The following MREG variants were observed in gnomAD, a reference collection of about 807,000 sequenced individuals.
MREG encodes melanoregulin, also known as dilute suppressor protein homolog.
In MREG, 31 loss-of-function variants were observed where a neutral mutation model predicts 28.5. That is an observed-to-expected ratio of 1.09 (90% CI 0.82 to 1.47). The LOEUF (loss-of-function observed/expected upper bound fraction) is 1.47. Ranked by LOEUF, MREG falls within the 40% of genes most tolerant of loss-of-function variation. The pLI, the probability that MREG is intolerant of heterozygous loss-of-function variation, is 0.00. For missense variants in MREG, 256 were observed against 257.4 expected (o/e 0.99, Z 0.04); for synonymous variants, 106 against 95.2 (o/e 1.11, Z -0.66).
Position 215,944,798 on chromosome 2 carries a change from G to C in MREG, c.*65C>G, listed in dbSNP as rs149474945. On this transcript the variant is annotated 3_prime_UTR_variant, in exon 5 of 5. Coordinates refer to ENST00000263268, the MANE Select transcript of MREG (RefSeq NM_018000.3). The stretch of plus-strand genomic sequence containing the variant: ...TGCTCACTCTCTTCTACATGTAATT[G>C]TCCAACTTTGGTTGACTGCTGAGTC... The C allele has an allele frequency of 2.2e-3, 3,245 of 1,478,534 alleles. 3 individuals are homozygous for C. The highest frequency in any genetic ancestry group is 2.8e-3 in the Non-Finnish European group (3,026 of 1,089,746). The allele number at this position is 1,478,534 out of a possible 1,614,324, so 91.6% of individuals were successfully genotyped here.
chr2:215,978,857 T>A (rs1693331379), intron 2 of MREG, among the ~76,000 whole-genome samples: 1 of 152,206 alleles, frequency 6.6e-6, no homozygotes, highest in Non-Finnish European at 1.5e-5. Context: ...AAACTCTCAA[T>A]AAACTAGGTA....
chr2:215,939,940 C>T (rs1187322154), downstream of MREG, among the ~76,000 whole-genome samples: 3 of 152,022 alleles, frequency 2.0e-5, no homozygotes, highest in Admixed American at 6.6e-5. Flanking sequence ...GATCTATAGG[C>T]CTAAGCTTCC....
At chr2:216,029,121 AG>A (rs1415748002) in intron 1 of MREG, among the ~76,000 whole-genome samples, 104 of 152,332 alleles carry the variant, frequency 6.8e-4, no homozygotes, top group African/African-American at 2.5e-3. Flanking sequence ...TTTATTTAAA[AG>A]GAAATAAATA....
upstream of MREG, among the ~76,000 whole-genome samples, chr2:216,014,879 G>A (rs138783064): frequency 5.3e-4 from 81 of 152,212 alleles, no homozygotes; most frequent in African/African-American, 1.8e-3. Context: ...TTTCCAGTCT[G>A]ATTTATTCAA....
intron 2 of MREG, among the ~76,000 whole-genome samples, chr2:215,991,035 A>G (rs6435928): frequency 0.19 from 28,358 of 152,082 alleles, 3,418 homozygotes; most frequent in East Asian, 0.4. Flanking sequence ...CAGCTCTGGA[A>G]CAAGCAGACC....
intron 1 of MREG, among the ~76,000 whole-genome samples, chr2:216,030,857 G>T (rs573223251): frequency 6.7e-6 from 1 of 148,698 alleles, no homozygotes; most frequent in African/African-American, 2.5e-5. Flanking sequence ...TGATTCCATA[G>T]TTTAATTAAT....
chr2:216,002,821 TTTC>T (rs140010665), intron 1 of MREG, among the ~76,000 whole-genome samples: 17,251 of 151,714 alleles, frequency 0.11, 2,791 homozygotes, highest in African/African-American at 0.36. Flanking sequence ...TCCTCTTTTC[TTTC>T]TTTTTTCTTT....
intron 2 of MREG, among the ~76,000 whole-genome samples, chr2:215,992,632 T>C (rs1000968748): frequency 1.4e-4 from 21 of 152,322 alleles, no homozygotes; most frequent in East Asian, 9.6e-4. Context: ...TTGTCTCTGT[T>C]TGCAGATGAC....
chr2:215,966,389 C>T (rs898435183), intron 2 of MREG, among the ~76,000 whole-genome samples: 9 of 152,068 alleles, frequency 5.9e-5, no homozygotes, highest in Non-Finnish European at 8.8e-5. Flanking sequence ...TCTCAAATTA[C>T]CTATATTCTT....
chr2:215,964,973 A>T (rs2105983856), intron 2 of MREG, among the ~76,000 whole-genome samples: 2 of 152,324 alleles, frequency 1.3e-5, no homozygotes, highest in Admixed American at 1.3e-4. Flanking sequence ...CATGTGAGTG[A>T]CTTTTTTTCT....
Position 216,007,071 on chromosome 2 carries a change from C to T in MREG, c.95+6162G>A, listed in dbSNP as rs182029485. ...ATCTACTAGCATATGAATCCCAGTT[C>T]GACCACGTGTGCCTCTAAGCAAGTT... On this transcript the variant is annotated intron_variant, in intron 1 of 4. Transcript: ENST00000263268. Among the ~76,000 whole-genome samples the T allele has an allele frequency of 7.7e-4, 117 of 152,310 alleles. 1 individual carries two copies. The highest frequency in any genetic ancestry group is 1.0e-4 in the Non-Finnish European group (7 of 68,026).
At chr2:216,028,297 C>G (rs951407064) in intron 1 of MREG, among the ~76,000 whole-genome samples, 1 of 152,014 alleles carries the variant, frequency 6.6e-6, no homozygotes, top group East Asian at 1.9e-4. Flanking sequence ...AGATGGATCA[C>G]GAGGTCAGGA....
chr2:215,941,204 C>T (rs1272280389), downstream of MREG, among the ~76,000 whole-genome samples: 3 of 152,156 alleles, frequency 2.0e-5, no homozygotes, highest in African/African-American at 4.8e-5. Flanking sequence ...AAAGGAATGG[C>T]GGTTCTGTCA....
At chr2:215,960,512 G>A (rs1302501962) in intron 2 of MREG, among the ~76,000 whole-genome samples, 1 of 152,170 alleles carries the variant, frequency 6.6e-6, no homozygotes, top group African/African-American at 2.4e-5. Flanking sequence ...TATAATCCAT[G>A]TGAATTCTGA....
intron 2 of MREG, among the ~76,000 whole-genome samples, chr2:215,985,294 A>T (rs1211485971): frequency 6.6e-6 from 1 of 152,256 alleles, no homozygotes; most frequent in Non-Finnish European, 1.5e-5. Context: ...AAGCACAACT[A>T]CTTTAATGAA....
intron 2 of MREG, among the ~76,000 whole-genome samples, chr2:215,952,054 C>A (rs1237938052): frequency 6.6e-6 from 1 of 152,186 alleles, no homozygotes; most frequent in Non-Finnish European, 1.5e-5. Flanking sequence ...GCACTCAACA[C>A]AATGACCTCT....
chr2:215,941,603 G>A (rs898910697), downstream of MREG: 6 of 152,294 alleles, frequency 3.9e-5, no homozygotes, highest in African/African-American at 1.4e-4. Context: ...GACCTTCTTG[G>A]AGACCTAGAC....
chr2:215,944,792 G>A lies in MREG; in HGVS notation c.*71C>T. ...TCTATTTGCTCACTCTCTTCTACAT[G>A]TAATTGTCCAACTTTGGTTGACTGC... On this transcript the variant is annotated 3_prime_UTR_variant, in exon 5 of 5. Coordinates refer to ENST00000263268, the MANE Select transcript of MREG (RefSeq NM_018000.3). 6.9e-7 allele frequency: 1 copy of A among 1,450,534 alleles called. No homozygotes were observed. Among genetic ancestry groups the A allele is most frequent in the East Asian group, 2.3e-5 (1 of 43,294 alleles). 89.9% of individuals were successfully genotyped at this position (1,450,534 alleles called of 1,614,324 possible). A position where few individuals can be genotyped will look rare whatever the true frequency, so the allele number is the denominator to read the frequency against.
intron 1 of MREG, among the ~76,000 whole-genome samples, chr2:216,007,323 G>A (rs965830366): frequency 6.6e-6 from 1 of 152,146 alleles, no homozygotes; most frequent in Middle Eastern, 3.4e-3. Context: ...CCCCAGCCGA[G>A]GTCAAAAGGC....
Sources: allele counts gnomAD v4.1 joint callset (sites outside exome capture counted in the v4.1 genomes callset), GRCh38; gene constraint gnomAD v4.1.1; transcripts MANE v1.5; gene names NCBI Gene and HGNC (gene_info 2026-07-23, HGNC 2026-07-21).